Variants in ANKFN1 observed in about 807,000 individuals in gnomAD.
ANKFN1 encodes ankyrin repeat and fibronectin type III domain containing 1, also known as ankyrin repeat and fibronectin type-III domain-containing protein 1.
ANKFN1 carries 74 observed loss-of-function variants against 108.7 expected under a neutral mutation model. The ratio of observed to expected loss-of-function variants is 0.68; its 90% CI spans 0.56 to 0.83. The LOEUF is 0.83. ANKFN1 is among the 40% of genes least tolerant of loss of function. ANKFN1 has a pLI of 0.00. For synonymous variants in ANKFN1, 547 were observed against 516.2 expected, an observed-to-expected ratio of 1.06 and a Z score of -0.81; for missense variants, 1,505 against 1,382.3, an observed-to-expected ratio of 1.09 and a Z score of -1.41.
Position 56,513,820 on chromosome 17 carries a change from A to G in ANKFN1, c.*2551A>G, listed in dbSNP as rs1032257423. ...ATGGGCATAGTTAAATCAATTGAAA[A>G]TGCATTTTCTTAGCAACATTCTTAA... On this transcript the variant is annotated 3_prime_UTR_variant, in exon 21 of 21. Transcript: ENST00000682825. Among the ~76,000 whole-genome samples the G allele has an allele frequency of 6.6e-6, 1 of 152,252 alleles. No homozygotes were observed. Among genetic ancestry groups the G allele is most frequent in the Non-Finnish European group, 1.5e-5 (1 of 68,046 alleles).
intron 8 of ANKFN1, among the ~76,000 whole-genome samples, chr17:56,409,005 G>A (rs991752218): frequency 2.6e-5 from 4 of 151,138 alleles, no homozygotes; most frequent in Non-Finnish European, 5.9e-5. Flanking sequence ...GCTCACTGCA[G>A]CCTCCACCTC....
chr17:56,160,913 A>AGTGCACAG (rs770002828), intron 1 of ANKFN1, among the ~76,000 whole-genome samples: 5 of 152,208 alleles, frequency 3.3e-5, no homozygotes, highest in Admixed American at 6.5e-5. Context: ...AGTGGCACAT[A>AGTGCACAG]GTGCACAGGT....
At chr17:56,262,902 T>A (rs904726300) in intron 3 of ANKFN1, among the ~76,000 whole-genome samples, 2 of 152,206 alleles carry the variant, frequency 1.3e-5, no homozygotes, top group African/African-American at 2.4e-5. Flanking sequence ...CCCCTTTGTC[T>A]ATGCCCTTTC....
chr17:56,291,439 T>C lies in ANKFN1; in HGVS notation c.54-34782T>C, dbSNP rs1404632065. ...CAAGCCTATGTCAATAGACATGTGC[T>C]ACCCTACTGCACAGAACTGACCTTC... is the stretch of plus-strand genomic sequence containing the variant. On this transcript the variant is annotated intron_variant, in intron 3 of 20. Coordinates refer to ENST00000682825, the MANE Select transcript of ANKFN1 (RefSeq NM_001370326.1). Among the ~76,000 whole-genome samples the C allele has an allele frequency of 1.3e-5, 2 of 152,216 alleles. 1 individual carries two copies.
At chr17:56,322,241 T>C (rs2045392191) in intron 3 of ANKFN1, among the ~76,000 whole-genome samples, 2 of 152,208 alleles carry the variant, frequency 1.3e-5, no homozygotes, top group Admixed American at 1.3e-4. Flanking sequence ...GCTAAAACTT[T>C]AAGTCACCTT....
intron 3 of ANKFN1, among the ~76,000 whole-genome samples, chr17:56,280,066 G>C (rs1389798557): frequency 2.7e-5 from 4 of 148,356 alleles, no homozygotes; most frequent in Non-Finnish European, 4.4e-5. Flanking sequence ...CTGGAGTGCA[G>C]TGGTGCGATC....
chr17:56,234,915 G>C (rs539869971), intron 3 of ANKFN1, among the ~76,000 whole-genome samples: 2 of 152,196 alleles, frequency 1.3e-5, no homozygotes, highest in African/African-American at 4.8e-5. Flanking sequence ...TTAGCTCCTT[G>C]AGGAATCACC....
chr17:56,050,753 T>A (rs1036376586), intron 4 of ANKFN1, among the ~76,000 whole-genome samples: 2 of 152,114 alleles, frequency 1.3e-5, no homozygotes, highest in African/African-American at 4.8e-5. Context: ...TTGATCTATA[T>A]CTCTGTTTTG....
At chr17:56,057,528 G>C (rs953032854) in intron 4 of ANKFN1, among the ~76,000 whole-genome samples, 1 of 152,210 alleles carries the variant, frequency 6.6e-6, no homozygotes, top group Non-Finnish European at 1.5e-5. Flanking sequence ...GCTCACGCCT[G>C]TAATCCCAGC....
At chr17:56,414,967 C>T (rs2048198033) in intron 8 of ANKFN1, among the ~76,000 whole-genome samples, 1 of 151,964 alleles carries the variant, frequency 6.6e-6, no homozygotes, top group African/African-American at 2.4e-5. Context: ...TTGTGGTGAG[C>T]CAAGATCGCA....
At chr17:56,443,733 C>T (rs1435813140) in intron 10 of ANKFN1, among the ~76,000 whole-genome samples, 1 of 152,192 alleles carries the variant, frequency 6.6e-6, no homozygotes, top group Non-Finnish European at 1.5e-5. Context: ...ATTGTCTATG[C>T]CAGGTATGTT....
intron 6 of ANKFN1, among the ~76,000 whole-genome samples, chr17:56,370,255 A>G (rs1410597113): frequency 1.3e-5 from 2 of 152,180 alleles, no homozygotes; most frequent in African/African-American, 4.8e-5. Flanking sequence ...GAATTCCTTT[A>G]TCATTATAAC....
intron 3 of ANKFN1, among the ~76,000 whole-genome samples, chr17:56,284,124 C>A (rs2044155712): frequency 6.6e-6 from 1 of 152,000 alleles, no homozygotes; most frequent in Admixed American, 6.6e-5. Flanking sequence ...TGTGTGTGTG[C>A]ACACATGCTC....
In ANKFN1 at chr17:56,443,707, G is replaced by A. The variant is rs149615478; in HGVS notation, c.1099+774G>A. Among the ~76,000 whole-genome samples, 363 of 152,288 alleles carry A rather than the reference G, an allele frequency of 2.4e-3. 4 individuals are homozygous for A. Among genetic ancestry groups the A allele is most frequent in the African/African-American group, 8.4e-3 (348 of 41,552 alleles). On this transcript the variant is annotated intron_variant, in intron 10 of 20. Coordinates refer to ENST00000682825, the MANE Select transcript of ANKFN1 (RefSeq NM_001370326.1). The stretch of plus-strand genomic sequence containing the variant: ...CTGAGAAACCCAGCAAAGGCCTTCC[G>A]ATTATTTGAAAATTAATTGTCTATG...
At chr17:56,311,721 G>A (rs1404708030) in intron 3 of ANKFN1, among the ~76,000 whole-genome samples, 3 of 152,164 alleles carry the variant, frequency 2.0e-5, no homozygotes, top group Non-Finnish European at 4.4e-5. Flanking sequence ...AAAAAGTGTT[G>A]TATAAAATTA....
At chr17:56,294,854 T>C (rs897643721) in intron 3 of ANKFN1, among the ~76,000 whole-genome samples, 1 of 152,202 alleles carries the variant, frequency 6.6e-6, no homozygotes, top group Non-Finnish European at 1.5e-5. Flanking sequence ...GCTTGAGCCA[T>C]TGAGTCCTGG....
At chr17:56,477,074 C>T (rs746822766) in intron 15 of ANKFN1, among the ~76,000 whole-genome samples, 9 of 152,276 alleles carry the variant, frequency 5.9e-5, no homozygotes, top group South Asian at 2.1e-4. Context: ...GAAATTACAA[C>T]GCTTCCTTAA....
intron 15 of ANKFN1, among the ~76,000 whole-genome samples, chr17:56,467,781 AAGAAAG>A (rs2050143136): frequency 4.5e-5 from 1 of 22,438 alleles, no homozygotes; most frequent in African/African-American, 8.9e-5. Context: ...GAAAGAAAGA[AAGAAAG>A]AAAGAAGAAA....
At chr17:56,352,918 C>T (rs142885799) in intron 5 of ANKFN1, among the ~76,000 whole-genome samples, 2 of 152,230 alleles carry the variant, frequency 1.3e-5, no homozygotes, top group East Asian at 3.9e-4. Context: ...TGCCATGGTC[C>T]AGACATGAGA....
Sources: gnomAD v4.1 joint callset for allele counts (sites outside exome capture counted in the v4.1 genomes callset) on GRCh38, gnomAD v4.1.1 for gene constraint, MANE v1.5 for transcripts, NCBI Gene and HGNC (gene_info 2026-07-23, HGNC 2026-07-21) for gene names.